The following CSMD2 variants were observed in gnomAD, a reference collection of about 807,000 sequenced individuals.
The protein encoded by CSMD2 is CUB and Sushi multiple domains 2, also known as CUB and sushi domain-containing protein 2.
In CSMD2, 130 loss-of-function variants were observed where a neutral mutation model predicts 398.5. The observed-to-expected ratio is 0.33, with a 90% CI of 0.28 to 0.38. The LOEUF (loss-of-function observed/expected upper bound fraction) is 0.38. Ranked by LOEUF, CSMD2 falls within the 10% of genes least tolerant of loss-of-function variation. CSMD2 has a pLI of 1.00. For missense variants in CSMD2, 3,829 were observed against 4,764.9 expected (o/e 0.80, Z 5.78); for synonymous variants, 1,828 against 1,908.5 (o/e 0.96, Z 1.10).
rs1352906510 is a variant in CSMD2 at position 33,728,784 on chromosome 1, C to A, written c.2369-2099G>T. 3.9e-5 allele frequency among the ~76,000 whole-genome samples: 6 copies of A among 152,362 alleles called. No individual in the cohort carries two copies. The East Asian group carries it at 1.2e-3, about 29-fold the overall frequency. ...AACACTAAATGGCACGTACTATTATCATCCTCGTTTTATAGGCGGGGATTA... is the reference window on the plus strand; with the variant it reads ...AACACTAAATGGCACGTACTATTATAATCCTCGTTTTATAGGCGGGGATTA... On this transcript the variant is annotated intron_variant, in intron 15 of 70. Transcript: ENST00000373381.
At chr1:33,805,582 T>G (rs948283589) in intron 10 of CSMD2, among the ~76,000 whole-genome samples, 5 of 152,180 alleles carry the variant, frequency 3.3e-5, no homozygotes, top group African/African-American at 1.2e-4. Context: ...AATTCACATG[T>G]TGAATCCCCA....
chr1:33,998,549 C>T (rs533718980), intron 3 of CSMD2, among the ~76,000 whole-genome samples: 4 of 152,214 alleles, frequency 2.6e-5, no homozygotes, highest in South Asian at 2.1e-4. Flanking sequence ...GCTTTTCTCA[C>T]GCAACGCTGC....
chr1:33,608,780 C>T (rs1298398561), intron 41 of CSMD2, among the ~76,000 whole-genome samples: 1 of 152,188 alleles, frequency 6.6e-6, no homozygotes, highest in Admixed American at 6.5e-5. Flanking sequence ...TCATGGGCCT[C>T]AGAAGGAACC....
chr1:34,093,385 G>C (rs1658883815), intron 1 of CSMD2, among the ~76,000 whole-genome samples: 1 of 152,216 alleles, frequency 6.6e-6, no homozygotes, highest in Non-Finnish European at 1.5e-5. Context: ...CTCCTCACCA[G>C]CAACGGAACA....
chr1:33,594,607 G>T (rs1289279775), intron 44 of CSMD2, among the ~76,000 whole-genome samples: 2 of 152,084 alleles, frequency 1.3e-5, no homozygotes, highest in Non-Finnish European at 2.9e-5. Flanking sequence ...CTGAATGCTT[G>T]TTATCAGTGT....
At chr1:34,098,790 T>C (rs922471337) in intron 1 of CSMD2, among the ~76,000 whole-genome samples, 15 of 152,118 alleles carry the variant, frequency 9.9e-5, no homozygotes, top group African/African-American at 2.7e-4. Context: ...AAGAGTTACA[T>C]GGTAAAAAAA....
rs532980668 is a variant in CSMD2, at chr1:33,542,992, G to A, written c.9101-96C>T. 25 of 965,488 alleles carry A rather than the reference G, an allele frequency of 2.6e-5. No homozygotes were observed. The African/African-American group carries it at 2.8e-4, about 11-fold the overall frequency. The allele number at this position is 965,488 out of a possible 1,614,324, so 59.8% of individuals were successfully genotyped here. A position where few individuals can be genotyped will look rare whatever the true frequency, so the allele number is the denominator to read the frequency against. ...CAGAGTGGAAGCCACATGCTACCTC[G>A]GGACCTCGTGGATAGAAATGCCTCT... On this transcript the variant is annotated intron_variant, in intron 57 of 70. Coordinates refer to ENST00000373381, the MANE Select transcript of CSMD2 (RefSeq NM_001281956.2).
At chr1:34,011,119 G>A (rs555048140) in intron 3 of CSMD2, among the ~76,000 whole-genome samples, 1 of 152,194 alleles carries the variant, frequency 6.6e-6, no homozygotes, top group East Asian at 1.9e-4. Flanking sequence ...TTGACTACTG[G>A]TCTAGCCCCA....
intron 3 of CSMD2, among the ~76,000 whole-genome samples, chr1:34,004,481 GT>G (rs1202540513): frequency 1.3e-5 from 2 of 151,866 alleles, no homozygotes; most frequent in Non-Finnish European, 2.9e-5. Flanking sequence ...GTTTGTTTTT[GT>G]TTTTTGCCAG....
At chr1:33,778,586 G>A (rs555724701) in intron 12 of CSMD2, among the ~76,000 whole-genome samples, 2 of 151,952 alleles carry the variant, frequency 1.3e-5, no homozygotes, top group Admixed American at 6.5e-5. Flanking sequence ...ACTTAGCACA[G>A]TCCCTGGAAC....
intron 55 of CSMD2, among the ~76,000 whole-genome samples, chr1:33,550,619 C>G (rs1493993): frequency 0.2 from 30,882 of 152,180 alleles, 3,294 homozygotes; most frequent in East Asian, 0.34. Context: ...TCTCTTGCCT[C>G]TTATGCTTAC....
intron 2 of CSMD2, among the ~76,000 whole-genome samples, chr1:34,039,390 C>A (rs941547031): frequency 6.6e-6 from 1 of 152,236 alleles, no homozygotes; most frequent in Non-Finnish European, 1.5e-5. Flanking sequence ...AAGCAAAGAG[C>A]CCCTGCAAAC....
At chr1:33,853,521 T>G (rs550906801) in intron 5 of CSMD2, among the ~76,000 whole-genome samples, 1 of 152,262 alleles carries the variant, frequency 6.6e-6, no homozygotes, top group Non-Finnish European at 1.5e-5. Flanking sequence ...GTTTATGTGA[T>G]GTTTAATTTA....
intron 1 of CSMD2, among the ~76,000 whole-genome samples, chr1:34,113,938 A>G (rs1365386518): frequency 6.6e-6 from 1 of 152,210 alleles, no homozygotes; most frequent in African/African-American, 2.4e-5. Flanking sequence ...GCATACATTC[A>G]GTGTTCCCAC....
intron 5 of CSMD2, among the ~76,000 whole-genome samples, chr1:33,877,395 G>T (rs953483800): frequency 6.6e-6 from 1 of 152,130 alleles, no homozygotes; most frequent in African/African-American, 2.4e-5. Flanking sequence ...TCGCACTGGG[G>T]GAGATGAGGG....
At chr1:33,966,614 G>A (rs187354795) in intron 3 of CSMD2, among the ~76,000 whole-genome samples, 11 of 152,322 alleles carry the variant, frequency 7.2e-5, no homozygotes, top group East Asian at 1.9e-4. Flanking sequence ...AAAAGTAAGC[G>A]AGGGAGTCTA....
At chr1:33,792,827 T>G (rs548797199) in intron 10 of CSMD2, among the ~76,000 whole-genome samples, 1 of 152,330 alleles carries the variant, frequency 6.6e-6, no homozygotes, top group African/African-American at 2.4e-5. Flanking sequence ...AGACTCTTTC[T>G]TCACGCCTTA....
intron 5 of CSMD2, among the ~76,000 whole-genome samples, chr1:33,849,655 A>G (rs2125085937): frequency 6.6e-6 from 1 of 151,518 alleles, no homozygotes; most frequent in African/African-American, 2.4e-5. Context: ...ACAGCCAGTC[A>G]CAGTGGCTCA....
At chr1:33,561,703 G>A (rs1658562188) in intron 53 of CSMD2, among the ~76,000 whole-genome samples, 1 of 152,194 alleles carries the variant, frequency 6.6e-6, no homozygotes, top group Admixed American at 6.5e-5. Flanking sequence ...TGGGGAGAGA[G>A]TGGGTCAAAG....
Sources: allele counts gnomAD v4.1 joint callset (sites outside exome capture counted in the v4.1 genomes callset), GRCh38; gene constraint gnomAD v4.1.1; transcripts MANE v1.5; gene names NCBI Gene and HGNC (gene_info 2026-07-23, HGNC 2026-07-21).